Variants in ADORA2A observed in about 807,000 individuals in gnomAD.
ADORA2A encodes the protein adenosine receptor A2a.
In ADORA2A, 11 loss-of-function variants were observed where a neutral mutation model predicts 18.4. The ratio of observed to expected loss-of-function variants is 0.60; its 90% confidence interval spans 0.38 to 0.99. The LOEUF is 0.99. ADORA2A is among the 50% of genes least tolerant of loss of function. ADORA2A has a pLI of 0.01. For missense variants in ADORA2A, 449 were observed against 556.1 expected (o/e 0.81, Z 1.94); for synonymous variants, 218 against 237.3 (o/e 0.92, Z 0.75).
chr22:24,427,517 G>C (rs1048177224), upstream of ADORA2A: 3 of 152,430 alleles, frequency 2.0e-5, no homozygotes. Flanking sequence ...GCCATCTGAG[G>C]GAGGTGCAGG....
At chr22:24,430,630 C>T (rs2043008439) in intron 1 of ADORA2A, among the ~76,000 whole-genome samples, 1 of 152,264 alleles carries the variant, frequency 6.6e-6, no homozygotes, top group East Asian at 1.9e-4. Context: ...GATTTGACCC[C>T]ACCAGCAGGG....
At chr22:24,436,165 C>CCTGGGCCT (rs1197763753) in intron 2 of ADORA2A, among the ~76,000 whole-genome samples, 4 of 152,214 alleles carry the variant, frequency 2.6e-5, no homozygotes, top group Non-Finnish European at 5.9e-5. Context: ...CCTCAGGGCC[C>CCTGGGCCT]CTGGGCCTCT....
intron 1 of ADORA2A, chr22:24,430,772 G>C (rs2043012120): frequency 1.4e-5 from 4 of 288,596 alleles, no homozygotes; most frequent in South Asian, 1.2e-4. Flanking sequence ...GCCTGGGATG[G>C]TCAGATTGGC....
At position 24,441,532 on chromosome 22, in the gene ADORA2A, A is replaced by C; in HGVS notation, c.*43A>C. The stretch of plus-strand genomic sequence containing the variant: ...CCCTTCCTAAGGGAAGGAGATCTTT[A>C]TCTTTCTGGTTGGCTTGACCAGTCA... On this transcript the variant is annotated 3_prime_UTR_variant, in exon 3 of 3. Transcript: ENST00000337539. 6.8e-7 allele frequency: 1 copy of C among 1,466,504 alleles called. No individual in the cohort carries two copies. Among genetic ancestry groups the C allele is most frequent in the Non-Finnish European group, 9.0e-7 (1 of 1,109,148 alleles). 90.8% of individuals were successfully genotyped at this position (1,466,504 alleles called of 1,614,324 possible).
At chr22:24,431,141 G>C (rs766507827) in intron 1 of ADORA2A, 75 of 456,684 alleles carry the variant, frequency 1.6e-4, no homozygotes, top group South Asian at 2.9e-4. Flanking sequence ...GTGCATCCCT[G>C]CCAACGACAC....
Position 24,433,273 on chromosome 22 carries a change from A to T in ADORA2A, c.-132A>T. On this transcript the variant is annotated 5_prime_UTR_variant, in exon 2 of 3. Transcript: ENST00000337539. Reference sequence around the variant, plus strand: ...AGCAGGGCTGCACTTGGCTCCTGTGAGGAAGGGGCTCAGGGGTCTGGGCCC... The same window carrying T: ...AGCAGGGCTGCACTTGGCTCCTGTGTGGAAGGGGCTCAGGGGTCTGGGCCC... The T allele has an allele frequency of 1.2e-6, 1 of 845,080 alleles. No homozygotes were observed. The highest frequency in any genetic ancestry group is 1.8e-6 in the Non-Finnish European group (1 of 557,234). 52.3% of individuals were successfully genotyped at this position (845,080 alleles called of 1,614,324 possible). A position where few individuals can be genotyped will look rare whatever the true frequency, so the allele number is the denominator to read the frequency against.
At chr22:24,428,357 T>C (rs1302364941) in intron 1 of ADORA2A, among the ~76,000 whole-genome samples, 1 of 152,244 alleles carries the variant, frequency 6.6e-6, no homozygotes, top group East Asian at 1.9e-4. Flanking sequence ...ATGGCGTTTC[T>C]GGGAGAATTC....
At chr22:24,431,303 C>T in intron 1 of ADORA2A, 1 of 456,910 alleles carries the variant, frequency 2.2e-6, no homozygotes, top group South Asian at 1.5e-5. Flanking sequence ...ATGCTCCATT[C>T]CCAGGCTCCT....
rs2043087657 is a variant in ADORA2A at position 24,433,246 on chromosome 22, C to G, written c.-159C>G. On this transcript the variant is annotated 5_prime_UTR_variant, in exon 2 of 3. Coordinates refer to ENST00000337539, the MANE Select transcript of ADORA2A (RefSeq NM_000675.6). The stretch of plus-strand genomic sequence containing the variant: ...TGTGAAAAAGCCCTTGGAGAGCGCC[C>G]CAGCAGGGCTGCACTTGGCTCCTGT... 8.8e-6 allele frequency: 6 copies of G among 680,368 alleles called. No individual in the cohort carries two copies. The highest frequency in any genetic ancestry group is 1.5e-5 in the Non-Finnish European group (6 of 409,496). 42.1% of individuals were successfully genotyped at this position (680,368 alleles called of 1,614,324 possible). A position where few individuals can be genotyped will look rare whatever the true frequency, so the allele number is the denominator to read the frequency against.
chr22:24,436,496 C>G (rs2043182062), intron 2 of ADORA2A, among the ~76,000 whole-genome samples: 1 of 152,190 alleles, frequency 6.6e-6, no homozygotes, highest in Non-Finnish European at 1.5e-5. Flanking sequence ...AGTCGAGGAA[C>G]TCTGTGAGAA....
chr22:24,439,641 T>G (rs952707799), intron 2 of ADORA2A: 1 of 152,034 alleles, frequency 6.6e-6, no homozygotes, highest in African/African-American at 2.4e-5. Context: ...TTTTTTTTAT[T>G]GTCCATTCTT....
Position 24,440,857 on chromosome 22 carries a change from G to C in ADORA2A, c.607G>C (p.Ala203Pro). 1 of 1,614,180 alleles carries C rather than the reference G, an allele frequency of 6.2e-7. No homozygotes were observed. The highest frequency in any genetic ancestry group is 8.5e-7 in the Non-Finnish European group (1 of 1,180,036). The change falls in exon 3 of 3, where the codon GCG becomes CCG. Residue 203 changes from alanine to proline, a missense_variant. By Grantham distance (27) the Ala-to-Pro change is conservative. Transcript: ENST00000337539. ...GGGTGTCTATTTGCGGATCTTCCTGGCGGCGCGACGACAGCTGAAGCAGAT... is the reference window on the plus strand; with the variant it reads ...GGGTGTCTATTTGCGGATCTTCCTGCCGGCGCGACGACAGCTGAAGCAGAT... Reference protein sequence around the residue: ...MLGVYLRIFLAARRQLKQMES... With the variant: ...MLGVYLRIFLPARRQLKQMES...
Position 24,439,072 on chromosome 22 carries a change from C to CTTTTTTTTTTTTTTTTTTTTTTTTTTTTT in ADORA2A, c.333-1510_333-1482dup, listed in dbSNP as rs3032740. On this transcript the variant is annotated intron_variant, in intron 2 of 2. Coordinates refer to ENST00000337539, the MANE Select transcript of ADORA2A (RefSeq NM_000675.6). Reference sequence around the variant, plus strand: ...GTAGAGCACATCCTTCCCCTTGCACCTTTTTTTTTTTTTTTTTTTTTTTTT... The same window carrying CTTTTTTTTTTTTTTTTTTTTTTTTTTTTT: ...GTAGAGCACATCCTTCCCCTTGCACCTTTTTTTTTTTTTTTTTTTTTTTTTTTTTTTTTTTTTTTTTTTTTTTTTTTTTT... 5.5e-5 allele frequency among the ~76,000 whole-genome samples: 4 copies of CTTTTTTTTTTTTTTTTTTTTTTTTTTTTT among 73,094 alleles called. 1 individual carries two copies. Among genetic ancestry groups the CTTTTTTTTTTTTTTTTTTTTTTTTTTTTT allele is most frequent in the Non-Finnish European group, 8.0e-5 (3 of 37,282 alleles). 48.0% of individuals were successfully genotyped at this position (73,094 alleles called of 152,430 possible). A position where few individuals can be genotyped will look rare whatever the true frequency, so the allele number is the denominator to read the frequency against.
Position 24,441,447 on chromosome 22 carries a change from C to T in ADORA2A, c.1197C>T (p.Gly399=). 8 of 1,520,188 alleles carry T rather than the reference C, an allele frequency of 5.3e-6. No individual in the cohort carries two copies. The highest frequency in any genetic ancestry group is 7.0e-6 in the Non-Finnish European group (8 of 1,136,312). 94.2% of individuals were successfully genotyped at this position (1,520,188 alleles called of 1,614,324 possible). The change falls in exon 3 of 3, where the codon GGC becomes GGT. Residue 399 remains glycine (G), a synonymous_variant. Transcript: ENST00000337539. ...AGGGAGTGTGCCCAGAGCCCCCTGG[C>T]CTAGATGACCCCCTGGCCCAGGATG... is the stretch of plus-strand genomic sequence containing the variant. ...ELKGVCPEPP[G]LDDPLAQDGA...
At chr22:24,434,783 G>A (rs1031232699) in intron 2 of ADORA2A, among the ~76,000 whole-genome samples, 2 of 152,236 alleles carry the variant, frequency 1.3e-5, no homozygotes, top group Non-Finnish European at 2.9e-5. Flanking sequence ...ATGAGCAAAT[G>A]GAAATTTAGA....
chr22:24,430,734 C>T (rs979039481), intron 1 of ADORA2A, among the ~76,000 whole-genome samples: 2 of 152,258 alleles, frequency 1.3e-5, no homozygotes, highest in Non-Finnish European at 2.9e-5. Flanking sequence ...GAATCTGGAG[C>T]GTGGTCTGGG....
chr22:24,441,517 G>A lies in ADORA2A; in HGVS notation c.*28G>A. ...ATTCATGGAGTTTGCCCCTTCCTAAGGGAAGGAGATCTTTATCTTTCTGGT... is the reference window on the plus strand; with the variant it reads ...ATTCATGGAGTTTGCCCCTTCCTAAAGGAAGGAGATCTTTATCTTTCTGGT... On this transcript the variant is annotated 3_prime_UTR_variant, in exon 3 of 3. Coordinates refer to ENST00000337539, the MANE Select transcript of ADORA2A (RefSeq NM_000675.6). The A allele has an allele frequency of 6.8e-7, 1 of 1,478,596 alleles. No homozygotes were observed. Among genetic ancestry groups the A allele is most frequent in the South Asian group, 1.5e-5 (1 of 66,734 alleles). 91.6% of individuals were successfully genotyped at this position (1,478,596 alleles called of 1,614,324 possible).
intron 2 of ADORA2A, among the ~76,000 whole-genome samples, chr22:24,434,410 A>ATCTT (rs1443868973): frequency 6.6e-6 from 1 of 152,226 alleles, no homozygotes; most frequent in Non-Finnish European, 1.5e-5. Flanking sequence ...TTTATGGTGA[A>ATCTT]TCTTTTGTGA....
chr22:24,429,926 C>T (rs2042988702), intron 1 of ADORA2A: 1 of 152,278 alleles, frequency 6.6e-6, no homozygotes, highest in Admixed American at 6.5e-5. Context: ...AGTTACGGTC[C>T]ACGACACATT....
Sources: gnomAD v4.1 joint callset for allele counts (sites outside exome capture counted in the v4.1 genomes callset) on GRCh38, gnomAD v4.1.1 for gene constraint, MANE v1.5 for transcripts, NCBI Gene and HGNC (gene_info 2026-07-23, HGNC 2026-07-21) for gene names.